The following ADAM10 variants were observed in gnomAD, a reference collection of about 807,000 sequenced individuals.
The protein encoded by ADAM10 is disintegrin and metalloproteinase domain-containing protein 10.
ADAM10 carries 17 observed loss-of-function variants against 90.1 expected under a neutral mutation model. The ratio of observed to expected loss-of-function variants is 0.19; its 90% CI spans 0.13 to 0.28. The LOEUF is 0.28. ADAM10 is among the 10% of genes least tolerant of loss of function. The probability of loss-of-function intolerance (pLI) is 1.00; values close to 1 mark genes in which losing one functional copy is unlikely to be tolerated. For missense variants in ADAM10, 610 were observed against 914.3 expected (o/e 0.67, Z 4.29); for synonymous variants, 310 against 298.6 (o/e 1.04, Z -0.40).
intron 4 of ADAM10, chr15:58,676,240 G>C: frequency 2.2e-6 from 1 of 454,144 alleles, no homozygotes; most frequent in African/African-American, 2.0e-5. Flanking sequence ...GTAAAGAACA[G>C]GAGGTCCACA....
intron 8 of ADAM10, among the ~76,000 whole-genome samples, chr15:58,635,291 A>AG (rs1281901693): frequency 1.1e-4 from 14 of 130,000 alleles, no homozygotes; most frequent in African/African-American, 3.2e-4. Flanking sequence ...AAAAAAAAAA[A>AG]AAGAAAGAAA....
In ADAM10 at chr15:58,714,041, T is replaced by C. The variant is rs147770359; in HGVS notation, c.206+3536A>G. 6.0e-3 allele frequency among the ~76,000 whole-genome samples: 914 copies of C among 152,180 alleles called. 7 individuals are homozygous for C. Among genetic ancestry groups the C allele is most frequent in the Middle Eastern group, 0.01 (3 of 294 alleles). On this transcript the variant is annotated intron_variant, in intron 2 of 15. Transcript: ENST00000260408. ...TGATGGCCTCGATCTCTTGACCTCG[T>C]GATCCACCCGCCTCAGCCTCCCAAA... is the stretch of plus-strand genomic sequence containing the variant.
At chr15:58,743,303 G>T (rs1380939473) in intron 1 of ADAM10, among the ~76,000 whole-genome samples, 3 of 151,982 alleles carry the variant, frequency 2.0e-5, no homozygotes, top group Non-Finnish European at 4.4e-5. Context: ...ACTTTGTGTT[G>T]GCAGCAGTGG....
chr15:58,600,636 TAAAC>T (rs1895082355), intron 14 of ADAM10, among the ~76,000 whole-genome samples: 2 of 152,192 alleles, frequency 1.3e-5, no homozygotes, highest in African/African-American at 4.8e-5. Context: ...TGACCTATAT[TAAAC>T]AAATCAATTA....
intron 1 of ADAM10, among the ~76,000 whole-genome samples, chr15:58,722,611 G>C (rs1357075686): frequency 5.3e-5 from 8 of 151,164 alleles, no homozygotes; most frequent in African/African-American, 1.5e-4. Context: ...ATGAGTGTCA[G>C]TTCCCTTCCC....
At chr15:58,693,331 G>A (rs190809672) in intron 2 of ADAM10, among the ~76,000 whole-genome samples, 3 of 152,306 alleles carry the variant, frequency 2.0e-5, no homozygotes, top group Admixed American at 1.3e-4. Context: ...TCAATTTACT[G>A]TATGGATTCT....
intron 1 of ADAM10, among the ~76,000 whole-genome samples, chr15:58,741,841 A>G (rs76427962): frequency 0.027 from 4,121 of 152,200 alleles, 180 homozygotes; most frequent in African/African-American, 0.094. Context: ...ATAATATTCT[A>G]TCTCATAGTT....
At chr15:58,692,610 C>A in intron 2 of ADAM10, 1 of 558,044 alleles carries the variant, frequency 1.8e-6, no homozygotes, top group Non-Finnish European at 3.6e-6. Flanking sequence ...CTTCTTTGAC[C>A]CACCTCTCTT....
At chr15:58,695,454 CTA>C (rs1897949658) in intron 2 of ADAM10, among the ~76,000 whole-genome samples, 1 of 152,182 alleles carries the variant, frequency 6.6e-6, no homozygotes, top group Non-Finnish European at 1.5e-5. Flanking sequence ...AAGGTACACA[CTA>C]TTTTGAAAAA....
chr15:58,620,463 C>G (rs1895746294), intron 11 of ADAM10, among the ~76,000 whole-genome samples: 2 of 150,272 alleles, frequency 1.3e-5, no homozygotes, highest in East Asian at 3.9e-4. Flanking sequence ...TTTTCTGAGA[C>G]TCCATCTCAA....
intron 9 of ADAM10, among the ~76,000 whole-genome samples, chr15:58,628,495 T>G (rs1417947415): frequency 2.0e-5 from 3 of 152,238 alleles, no homozygotes; most frequent in Non-Finnish European, 4.4e-5. Flanking sequence ...AACAGAGTTC[T>G]GTGTACACGT....
chr15:58,604,354 C>T lies in ADAM10; in HGVS notation c.2026-4630G>A, dbSNP rs145766245. The stretch of plus-strand genomic sequence containing the variant: ...CCAGCCTAGGTGGCTGAGTGAGACT[C>T]CATTTCAAAAATAAAAATAAACAAA... On this transcript the variant is annotated intron_variant, in intron 14 of 15. Transcript: ENST00000260408. Among the ~76,000 whole-genome samples, 408 of 152,242 alleles carry T rather than the reference C, an allele frequency of 2.7e-3. 2 individuals are homozygous for T. Among genetic ancestry groups the T allele is most frequent in the Non-Finnish European group, 3.4e-3 (234 of 68,014 alleles).
chr15:58,666,318 G>A (rs1270592308), intron 4 of ADAM10, among the ~76,000 whole-genome samples: 4 of 151,044 alleles, frequency 2.6e-5, no homozygotes, highest in Non-Finnish European at 4.4e-5. Flanking sequence ...TACTTCAGAA[G>A]TGTAACTATG....
chr15:58,712,537 A>AC (rs397717870), intron 2 of ADAM10, among the ~76,000 whole-genome samples: 5 of 148,520 alleles, frequency 3.4e-5, no homozygotes, highest in African/African-American at 1.2e-4. Flanking sequence ...AAAAAAAAAA[A>AC]GGCCAGACGT....
At chr15:58,632,042 T>C (rs758290202) in intron 9 of ADAM10, among the ~76,000 whole-genome samples, 4 of 152,192 alleles carry the variant, frequency 2.6e-5, no homozygotes, top group Non-Finnish European at 5.9e-5. Flanking sequence ...TCATAAAAAT[T>C]TGCACTTTTG....
chr15:58,692,323 T>C, intron 2 of ADAM10: 1 of 607,162 alleles, frequency 1.6e-6, no homozygotes, highest in Non-Finnish European at 3.3e-6. Context: ...CTGGGTGATG[T>C]CATCAGGGTT....
At chr15:58,688,384 C>T (rs931005602) in intron 2 of ADAM10, among the ~76,000 whole-genome samples, 6 of 150,732 alleles carry the variant, frequency 4.0e-5, no homozygotes, top group Admixed American at 6.6e-5. Context: ...AAACAAACAA[C>T]GACAAAAAGA....
At chr15:58,696,995 T>C (rs376048007) in intron 2 of ADAM10, among the ~76,000 whole-genome samples, 1 of 152,094 alleles carries the variant, frequency 6.6e-6, no homozygotes, top group African/African-American at 2.4e-5. Context: ...CTACAGCCAC[T>C]GTTGTGATCC....
chr15:58,696,571 T>C (rs1177127477), intron 2 of ADAM10, among the ~76,000 whole-genome samples: 1 of 151,852 alleles, frequency 6.6e-6, no homozygotes, highest in Admixed American at 6.6e-5. Context: ...GTTCAAGTGA[T>C]TCTTCCGCCT....
Sources: allele counts gnomAD v4.1 joint callset (sites outside exome capture counted in the v4.1 genomes callset), GRCh38; gene constraint gnomAD v4.1.1; transcripts MANE v1.5; gene names NCBI Gene and HGNC (gene_info 2026-07-23, HGNC 2026-07-21).